Variants in PTK2 observed in about 807,000 individuals in gnomAD.
PTK2 encodes protein tyrosine kinase 2, also known as focal adhesion kinase 1.
Under a neutral mutation model 150.1 loss-of-function variants are expected in PTK2, and 45 were observed. That is an observed-to-expected ratio of 0.30 (90% CI 0.24 to 0.38). The LOEUF is 0.38. Among genes scored for constraint, PTK2 ranks in the 10% least tolerant of loss-of-function variants. The probability of loss-of-function intolerance (pLI) is 1.00; values close to 1 mark genes in which losing one functional copy is unlikely to be tolerated. For missense variants in PTK2, 919 were observed against 1,307.3 expected (o/e 0.70, Z 4.58); for synonymous variants, 432 against 449.2 (o/e 0.96, Z 0.48).
At chr8:140,719,887 C>CAAAAAAAAAAAA (rs71308987) in intron 22 of PTK2, among the ~76,000 whole-genome samples, 1 of 90,890 alleles carries the variant, frequency 1.1e-5, no homozygotes, top group Non-Finnish European at 2.0e-5. Flanking sequence ...CTTGTCTCAC[C>CAAAAAAAAAAAA]AAAAAAAAAA....
At chr8:140,907,401 A>C (rs1007928915) in intron 2 of PTK2, among the ~76,000 whole-genome samples, 6 of 152,204 alleles carry the variant, frequency 3.9e-5, no homozygotes, top group African/African-American at 1.4e-4. Context: ...GTTGAACATC[A>C]TATCGGCGCT....
At chr8:140,843,879 C>T (rs1455276004) in intron 7 of PTK2, among the ~76,000 whole-genome samples, 1 of 151,662 alleles carries the variant, frequency 6.6e-6, no homozygotes, top group African/African-American at 2.4e-5. Context: ...ATACTTTACT[C>T]AGATTTCATC....
In PTK2 at chr8:140,674,287, C is replaced by G; in HGVS notation, c.2709+11G>C. The G allele has an allele frequency of 6.3e-7, 1 of 1,595,016 alleles. No homozygotes were observed. The highest frequency in any genetic ancestry group is 1.1e-5 in the South Asian group (1 of 88,208). On this transcript the variant is annotated intron_variant, in intron 29 of 31. Transcript: ENST00000522684. ...GCAAGCAGAAGGTGCTGCACAGGCTCAGATGCCCACCTTGACACCCTCGTT... is the reference window on the plus strand; with the variant it reads ...GCAAGCAGAAGGTGCTGCACAGGCTGAGATGCCCACCTTGACACCCTCGTT...
At chr8:140,989,657 C>T (rs1267027120) in intron 1 of PTK2, among the ~76,000 whole-genome samples, 1 of 151,936 alleles carries the variant, frequency 6.6e-6, no homozygotes, top group African/African-American at 2.4e-5. Context: ...ACCTGTAATC[C>T]CAGCACTTTG....
intron 4 of PTK2, among the ~76,000 whole-genome samples, chr8:140,867,384 A>C (rs1209488641): frequency 6.6e-6 from 1 of 152,222 alleles, no homozygotes; most frequent in Non-Finnish European, 1.5e-5. Context: ...TAGATCCCAC[A>C]GCTATTTAGA....
At chr8:140,690,410 C>T (rs956316494) in intron 26 of PTK2, among the ~76,000 whole-genome samples, 12 of 152,136 alleles carry the variant, frequency 7.9e-5, no homozygotes, top group Non-Finnish European at 1.6e-4. Flanking sequence ...TATACATGCA[C>T]GCCACCACGC....
intron 1 of PTK2, among the ~76,000 whole-genome samples, chr8:140,945,076 A>G (rs2100177225): frequency 6.6e-6 from 1 of 152,194 alleles, no homozygotes; most frequent in African/African-American, 2.4e-5. Context: ...GTTGTCGTTC[A>G]TCTTGTTCTT....
intron 11 of PTK2, among the ~76,000 whole-genome samples, chr8:140,801,936 C>T (rs371913349): frequency 6.6e-6 from 1 of 151,888 alleles, no homozygotes; most frequent in East Asian, 1.9e-4. Flanking sequence ...TATGGTGAAG[C>T]TGGTGTAAAA....
chr8:140,669,903 C>T (rs2094610694), intron 29 of PTK2, 168 bp from the exon 33 acceptor site: 1 of 746,536 alleles, frequency 1.3e-6, no homozygotes, highest in African/African-American at 1.7e-5. Context: ...CTCACTGTTG[C>T]CAGGGTGTGG....
intron 27 of PTK2, among the ~76,000 whole-genome samples, chr8:140,679,290 A>T (rs907183311): frequency 4.0e-5 from 6 of 151,784 alleles, no homozygotes; most frequent in African/African-American, 1.2e-4. Context: ...CTCCCAAAAT[A>T]CTGTGATTAC....
At chr8:140,833,130 G>A (rs1208619445) in intron 7 of PTK2, 28 of 501,938 alleles carry the variant, frequency 5.6e-5, no homozygotes, top group Middle Eastern at 3.4e-4. Context: ...AAATAAAGAC[G>A]AATACTAGGT....
At chr8:140,851,513 T>A (rs566876467) in intron 5 of PTK2, among the ~76,000 whole-genome samples, 40 of 152,344 alleles carry the variant, frequency 2.6e-4, no homozygotes, top group African/African-American at 8.9e-4. Context: ...GTTTCCATTA[T>A]CTCTTTTTGT....
intron 1 of PTK2, among the ~76,000 whole-genome samples, chr8:140,945,085 T>C (rs1177763680): frequency 6.6e-6 from 1 of 152,216 alleles, no homozygotes; most frequent in Non-Finnish European, 1.5e-5. Flanking sequence ...CATCTTGTTC[T>C]TGCCTGAAAA....
At position 140,739,861 on chromosome 8, in the gene PTK2, T is replaced by C. The variant is rs578072383; in HGVS notation, c.1736-754A>G. ...GACTGCGGCCTTGCTGAACCTCAGC[T>C]GCATATGTGGGTATTAGGGAATACT... On this transcript the variant is annotated intron_variant, in intron 20 of 31. Transcript: ENST00000522684. Among the ~76,000 whole-genome samples the C allele has an allele frequency of 2.0e-5, 3 of 152,330 alleles. No homozygotes were observed. The East Asian group carries it at 5.8e-4, about 29-fold the overall frequency.
intron 17 of PTK2, among the ~76,000 whole-genome samples, chr8:140,751,114 C>A (rs1278991933): frequency 6.6e-6 from 1 of 151,998 alleles, no homozygotes; most frequent in Non-Finnish European, 1.5e-5. Context: ...GCTAAAGTCA[C>A]CTGGGAAGCC....
At chr8:140,893,943 G>GA (rs1181024957) in intron 2 of PTK2, among the ~76,000 whole-genome samples, 1 of 152,098 alleles carries the variant, frequency 6.6e-6, no homozygotes, top group Non-Finnish European at 1.5e-5. Context: ...GTATAAAGGG[G>GA]AATTTGACAA....
chr8:140,938,625 G>C (rs548212721), intron 1 of PTK2, among the ~76,000 whole-genome samples: 1 of 152,296 alleles, frequency 6.6e-6, no homozygotes, highest in East Asian at 1.9e-4. Flanking sequence ...CCACTGCTTT[G>C]GGGGCAACTC....
chr8:140,676,585 T>G (rs1233537199), intron 27 of PTK2, among the ~76,000 whole-genome samples: 2 of 125,388 alleles, frequency 1.6e-5, no homozygotes, highest in Admixed American at 1.6e-4. Context: ...CACTGGGGAC[T>G]TCGAAGAGTT....
chr8:140,841,338 C>G (rs1477959147), intron 7 of PTK2, among the ~76,000 whole-genome samples: 1 of 152,066 alleles, frequency 6.6e-6, no homozygotes, highest in Admixed American at 6.5e-5. Flanking sequence ...TGATCTTATT[C>G]TAGGGTCCAC....
Sources: gnomAD v4.1 joint callset for allele counts (sites outside exome capture counted in the v4.1 genomes callset) on GRCh38, gnomAD v4.1.1 for gene constraint, MANE v1.5 for transcripts, NCBI Gene and HGNC (gene_info 2026-07-23, HGNC 2026-07-21) for gene names.